IFT80: variants seen among roughly 807,000 people sequenced by gnomAD.
IFT80 encodes the protein intraflagellar transport protein 80 homolog.
A neutral mutation model predicts 107.9 loss-of-function variants in IFT80; 79 were observed. The ratio of observed to expected loss-of-function variants is 0.73; its 90% CI spans 0.61 to 0.88. The LOEUF (loss-of-function observed/expected upper bound fraction) is 0.88. IFT80 is among the 40% of genes least tolerant of loss of function. The probability of loss-of-function intolerance (pLI) is 0.00; values close to 1 mark genes in which losing one functional copy is unlikely to be tolerated. For synonymous variants in IFT80, 299 were observed against 300.9 expected (o/e 0.99, Z 0.07); for missense variants, 797 against 914.2 (o/e 0.87, Z 1.65).
chr3:160,338,026 A>C (rs1048187494), intron 8 of IFT80, among the ~76,000 whole-genome samples: 1 of 152,114 alleles, frequency 6.6e-6, no homozygotes, highest in African/African-American at 2.4e-5. Context: ...TTCTCTGCCT[A>C]AATTCTCTAT....
At chr3:160,264,719 T>C (rs80316500) in intron 19 of IFT80, among the ~76,000 whole-genome samples, 23,289 of 151,604 alleles carry the variant, frequency 0.15, 4,031 homozygotes, top group African/African-American at 0.43. Context: ...GGATTATGGG[T>C]GTGAGCCACC....
chr3:160,360,614 G>A (rs969544631), intron 6 of IFT80, among the ~76,000 whole-genome samples: 11 of 151,994 alleles, frequency 7.2e-5, no homozygotes, highest in Non-Finnish European at 1.2e-4. Context: ...AAGAAAGATC[G>A]GGTTACCCAC....
intron 8 of IFT80, among the ~76,000 whole-genome samples, chr3:160,355,317 T>C (rs1720990638): frequency 6.6e-6 from 1 of 152,204 alleles, no homozygotes; most frequent in South Asian, 2.1e-4. Context: ...GGCATGATTA[T>C]AGCTTGCTAC....
At chr3:160,388,875 T>C (rs1380078559) in intron 1 of IFT80, among the ~76,000 whole-genome samples, 1 of 152,124 alleles carries the variant, frequency 6.6e-6, no homozygotes. Flanking sequence ...GCTTTTAAGA[T>C]GTAAAGGGGT....
Position 160,285,815 on chromosome 3 carries a change from G to A in IFT80, c.1369C>T (p.Leu457Phe). The A allele has an allele frequency of 1.2e-6, 2 of 1,607,540 alleles. No homozygotes were observed. Among genetic ancestry groups the A allele is most frequent in the Non-Finnish European group, 1.7e-6 (2 of 1,174,930 alleles). The change falls in exon 13 of 20, where the codon CTT becomes TTT. Residue 457 changes from leucine to phenylalanine, a missense_variant. Leu to Phe is a conservative substitution (Grantham distance 22). Coordinates refer to ENST00000326448, the MANE Select transcript of IFT80 (RefSeq NM_020800.3). ...TGKPLGDGKFLSHKNEILEIA... is the reference protein window; with the variant it reads ...TGKPLGDGKFFSHKNEILEIA... ...TTAATGTCCATTACCTTATGAGAAA[G>A]AAACTTTCCATCACCTAACGGCTTT...
intron 9 of IFT80, among the ~76,000 whole-genome samples, chr3:160,314,401 C>T (rs1273746275): frequency 6.6e-6 from 1 of 152,154 alleles, no homozygotes; most frequent in Non-Finnish European, 1.5e-5. Context: ...AAAGAATTAT[C>T]CACTGGGCTG....
chr3:160,362,492 C>T (rs940493522), intron 6 of IFT80, among the ~76,000 whole-genome samples: 8 of 152,014 alleles, frequency 5.3e-5, no homozygotes, highest in African/African-American at 9.7e-5. Flanking sequence ...CAATAGAAAA[C>T]GAGGGAATCC....
intron 1 of IFT80, among the ~76,000 whole-genome samples, chr3:160,395,202 T>A (rs1282027791): frequency 1.3e-5 from 2 of 152,226 alleles, no homozygotes; most frequent in Non-Finnish European, 2.9e-5. Context: ...TTGAATCCCC[T>A]TCTTATTAAA....
chr3:160,277,717 G>A (rs1427800861), intron 16 of IFT80, 47 bp from the exon 17 acceptor site: 6 of 1,249,736 alleles, frequency 4.8e-6, no homozygotes, highest in South Asian at 1.2e-5. Flanking sequence ...TGACTGAACT[G>A]CCTTAAAATA....
intron 19 of IFT80, among the ~76,000 whole-genome samples, chr3:160,263,511 G>A (rs1713031709): frequency 6.6e-6 from 1 of 152,116 alleles, no homozygotes; most frequent in Admixed American, 6.5e-5. Flanking sequence ...CCAGGGTCCA[G>A]AGCAGTCACT....
chr3:160,276,438 T>C (rs1487216959), intron 18 of IFT80, among the ~76,000 whole-genome samples: 1 of 152,182 alleles, frequency 6.6e-6, no homozygotes, highest in Non-Finnish European at 1.5e-5. Flanking sequence ...AGCCTTGTAA[T>C]TGACAGATAC....
chr3:160,396,678 C>G (rs984020792), intron 1 of IFT80, among the ~76,000 whole-genome samples: 1 of 152,040 alleles, frequency 6.6e-6, no homozygotes, highest in African/African-American at 2.4e-5. Context: ...AAGATAAGAC[C>G]CAGTTATAGC....
intron 1 of IFT80, among the ~76,000 whole-genome samples, chr3:160,394,974 G>A (rs367564826): frequency 1.3e-5 from 2 of 152,202 alleles, no homozygotes; most frequent in East Asian, 1.9e-4. Flanking sequence ...AAAGGGTGGG[G>A]GCACTGGGAT....
chr3:160,343,362 A>G (rs1456285067), intron 8 of IFT80, among the ~76,000 whole-genome samples: 1 of 152,186 alleles, frequency 6.6e-6, no homozygotes, highest in Non-Finnish European at 1.5e-5. Flanking sequence ...TGATAGATAA[A>G]AGCAACAATG....
Position 160,329,447 on chromosome 3 carries a change from CA to C in IFT80, c.778-9509del, listed in dbSNP as rs549923634. ...GATGGGGCTCAGAACACACTGCCTC[CA>C]AAATATGGCACATCGACACAGAGAA... On this transcript the variant is annotated intron_variant, in intron 8 of 19. Coordinates refer to ENST00000326448, the MANE Select transcript of IFT80 (RefSeq NM_020800.3). 1.3e-3 allele frequency among the ~76,000 whole-genome samples: 197 copies of C among 152,130 alleles called. 1 individual carries two copies. The highest frequency in any genetic ancestry group is 4.6e-3 in the African/African-American group (189 of 41,510).
chr3:160,310,497 A>G (rs567501642), intron 9 of IFT80, among the ~76,000 whole-genome samples: 2 of 152,344 alleles, frequency 1.3e-5, no homozygotes, highest in East Asian at 3.9e-4. Flanking sequence ...CTAATGGTTG[A>G]GGAGGCAAAC....
chr3:160,310,119 C>G (rs1034943694), intron 9 of IFT80, among the ~76,000 whole-genome samples: 7 of 152,174 alleles, frequency 4.6e-5, no homozygotes, highest in African/African-American at 1.4e-4. Context: ...TGATTGTGGT[C>G]TATAAATAAC....
intron 5 of IFT80, among the ~76,000 whole-genome samples, chr3:160,372,429 G>A (rs1465419213): frequency 2.6e-5 from 4 of 152,020 alleles, no homozygotes; most frequent in African/African-American, 9.7e-5. Flanking sequence ...AAGTAATTAG[G>A]GACCTTTCCT....
intron 12 of IFT80, among the ~76,000 whole-genome samples, chr3:160,294,135 C>A (rs1715791059): frequency 6.6e-6 from 1 of 152,170 alleles, no homozygotes. Flanking sequence ...GTCAGAAATG[C>A]AAGTGCCCTT....
Sources: allele counts gnomAD v4.1 joint callset (sites outside exome capture counted in the v4.1 genomes callset), GRCh38; gene constraint gnomAD v4.1.1; transcripts MANE v1.5; gene names NCBI Gene and HGNC (gene_info 2026-07-23, HGNC 2026-07-21).